DLG2: variants seen among roughly 807,000 people sequenced by gnomAD.
DLG2 encodes the protein discs large MAGUK scaffold protein 2, also known as disks large homolog 2.
DLG2 carries 45 observed loss-of-function variants against 132.5 expected under a neutral mutation model. The ratio of observed to expected loss-of-function variants is 0.34; its 90% CI spans 0.27 to 0.44. DLG2 has a LOEUF of 0.44. DLG2 is among the 20% of genes least tolerant of loss of function. DLG2 has a pLI of 1.00. For missense variants in DLG2, 1,045 were observed against 1,196.9 expected (o/e 0.87, Z 1.87); for synonymous variants, 424 against 419.6 (o/e 1.01, Z -0.13).
chr11:84,726,514 T>G (rs1182533179), intron 6 of DLG2, among the ~76,000 whole-genome samples: 5 of 152,230 alleles, frequency 3.3e-5, no homozygotes, highest in Non-Finnish European at 7.3e-5. Flanking sequence ...GGTCTATTTT[T>G]GATGGACATT....
At chr11:85,121,581 G>T (rs545714287) in intron 5 of DLG2, among the ~76,000 whole-genome samples, 47 of 151,990 alleles carry the variant, frequency 3.1e-4, no homozygotes, top group African/African-American at 1.1e-3. Context: ...TTAAATTTTA[G>T]AAATTTCAAT....
At chr11:85,088,480 T>C (rs750283851) in intron 6 of DLG2, among the ~76,000 whole-genome samples, 1 of 152,180 alleles carries the variant, frequency 6.6e-6, no homozygotes, top group Non-Finnish European at 1.5e-5. Flanking sequence ...CATATAAACA[T>C]TCAAATTTTC....
intron 4 of DLG2, among the ~76,000 whole-genome samples, chr11:85,252,533 C>T (rs1465723813): frequency 6.6e-6 from 1 of 151,978 alleles, no homozygotes; most frequent in African/African-American, 2.4e-5. Flanking sequence ...TTGCAGTGAG[C>T]CAAGATCACG....
chr11:84,190,449 C>T (rs1194923871), intron 8 of DLG2, among the ~76,000 whole-genome samples: 1 of 152,092 alleles, frequency 6.6e-6, no homozygotes, highest in African/African-American at 2.4e-5. Context: ...GGGTCTTTTT[C>T]CCCCTCTAGA....
chr11:83,490,712 A>C (rs1467069963), intron 21 of DLG2, among the ~76,000 whole-genome samples: 1 of 152,012 alleles, frequency 6.6e-6, no homozygotes, highest in Non-Finnish European at 1.5e-5. Flanking sequence ...GATGGAAAAC[A>C]CTGAGAAGTA....
chr11:85,142,623 G>A (rs551979921), intron 5 of DLG2, among the ~76,000 whole-genome samples: 5 of 151,794 alleles, frequency 3.3e-5, no homozygotes, highest in African/African-American at 1.2e-4. Flanking sequence ...GTAAAAATGG[G>A]CATCCTTGTC....
chr11:84,334,478 C>T (rs1229144301), intron 7 of DLG2, among the ~76,000 whole-genome samples: 1 of 152,192 alleles, frequency 6.6e-6, no homozygotes, highest in Admixed American at 6.5e-5. Flanking sequence ...TTCTCAGGGT[C>T]TCCATTAGCT....
chr11:84,684,970 C>T (rs1005698519), intron 6 of DLG2, among the ~76,000 whole-genome samples: 16 of 152,114 alleles, frequency 1.1e-4, no homozygotes, highest in African/African-American at 3.6e-4. Context: ...AGGTGAGTAG[C>T]GCTCTTTTAT....
chr11:85,055,611 T>A (rs1473489379), intron 6 of DLG2, among the ~76,000 whole-genome samples: 1 of 152,164 alleles, frequency 6.6e-6, no homozygotes, highest in Non-Finnish European at 1.5e-5. Flanking sequence ...TAATTCAAGA[T>A]TTTGCAGTGA....
intron 15 of DLG2, among the ~76,000 whole-genome samples, chr11:83,922,733 G>A (rs2078181061): frequency 6.6e-6 from 1 of 152,130 alleles, no homozygotes; most frequent in South Asian, 2.1e-4. Flanking sequence ...AAGGCTCTGT[G>A]AGAAGATGAG....
chr11:84,717,440 G>T (rs1390343710), intron 6 of DLG2, among the ~76,000 whole-genome samples: 1 of 151,832 alleles, frequency 6.6e-6, no homozygotes, highest in African/African-American at 2.4e-5. Context: ...ACTTAAATTT[G>T]AGACCAAAGG....
rs779836346 is a variant in DLG2, at chr11:83,541,668, A to G, written c.2117+14T>C. 29 of 1,587,014 alleles carry G rather than the reference A, an allele frequency of 1.8e-5. No homozygotes were observed. Among genetic ancestry groups the G allele is most frequent in the Non-Finnish European group, 2.5e-5 (29 of 1,167,250 alleles). On this transcript the variant is annotated intron_variant, in intron 20 of 27. Coordinates refer to ENST00000376104, the MANE Select transcript of DLG2 (RefSeq NM_001142699.3). ...GCTGACAAGCAAATATTCTAGTACA[A>G]AAGGCATTCTTACCTCCTTTTGCTG...
intron 19 of DLG2, among the ~76,000 whole-genome samples, chr11:83,565,955 G>A (rs76351736): frequency 0.013 from 2,024 of 152,290 alleles, 47 homozygotes; most frequent in African/African-American, 0.046. Flanking sequence ...TTGCCAATGA[G>A]AGAGTTTCTG....
chr11:83,541,738 C>T lies in DLG2; in HGVS notation c.2061G>A (p.Arg687=), dbSNP rs770559017. Residue 687 remains arginine (R), a synonymous_variant, in exon 20 of 28, where the codon AGG becomes AGA. Coordinates refer to ENST00000376104, the MANE Select transcript of DLG2 (RefSeq NM_001142699.3). The stretch of plus-strand genomic sequence containing the variant: ...CACTGTCTCCCTCCAGCATGACTCT[C>T]CTGGCTTGCCACCACTCATCATCAG... The part of the protein sequence containing the change: ...NASDDEWWQA[R]RVMLEGDSEE... 2 of 1,613,268 alleles carry T rather than the reference C, an allele frequency of 1.2e-6. No homozygotes were observed. Among genetic ancestry groups the T allele is most frequent in the Admixed American group, 3.3e-5 (2 of 59,980 alleles).
chr11:84,176,173 A>T (rs984868691), intron 8 of DLG2, among the ~76,000 whole-genome samples: 10 of 151,896 alleles, frequency 6.6e-5, no homozygotes, highest in Admixed American at 3.9e-4. Flanking sequence ...CCCCTAGCAG[A>T]CATGTACATA....
chr11:85,461,507 T>A lies in DLG2; in HGVS notation c.40+137150A>T, dbSNP rs539296645. On this transcript the variant is annotated intron_variant, in intron 3 of 27. Transcript: ENST00000376104. ...TCTGACTATGCTGCCATGAGTGGAG[T>A]ATATACTGTAGCAATACTGAGAGTG... is the stretch of plus-strand genomic sequence containing the variant. Among the ~76,000 whole-genome samples the A allele has an allele frequency of 2.6e-5, 4 of 152,268 alleles. No homozygotes were observed. In the East Asian group the frequency reaches 7.7e-4, roughly 29 times the overall value.
chr11:84,966,421 A>T (rs2053356415), intron 6 of DLG2, among the ~76,000 whole-genome samples: 1 of 152,068 alleles, frequency 6.6e-6, no homozygotes, highest in Non-Finnish European at 1.5e-5. Flanking sequence ...ATGATTCAAA[A>T]CCATCACAGA....
At chr11:85,213,819 G>A (rs1381149278) in intron 4 of DLG2, among the ~76,000 whole-genome samples, 1 of 152,054 alleles carries the variant, frequency 6.6e-6, no homozygotes, top group African/African-American at 2.4e-5. Flanking sequence ...GTGGCTGGGG[G>A]ACTTAGAATT....
At chr11:83,521,393 T>C (rs2095476724) in intron 21 of DLG2, among the ~76,000 whole-genome samples, 1 of 152,228 alleles carries the variant, frequency 6.6e-6, no homozygotes, top group Admixed American at 6.5e-5. Flanking sequence ...TTTACTTTAG[T>C]GACAATTTTT....
Sources: gnomAD v4.1 joint callset for allele counts (sites outside exome capture counted in the v4.1 genomes callset) on GRCh38, gnomAD v4.1.1 for gene constraint, MANE v1.5 for transcripts, NCBI Gene and HGNC (gene_info 2026-07-23, HGNC 2026-07-21) for gene names.